LDAH: variants seen among roughly 807,000 people sequenced by gnomAD.
LDAH encodes lipid droplet associated hydrolase.
LDAH carries 26 observed loss-of-function variants against 29.6 expected under a neutral mutation model. That is an observed-to-expected ratio of 0.88 (90% CI 0.64 to 1.22). LDAH has a LOEUF of 1.22. Among genes scored for constraint, LDAH ranks in the 50% most tolerant of loss-of-function variants. The pLI is 0.00. For synonymous variants in LDAH, 117 were observed against 133.0 expected (o/e 0.88, Z 0.83); for missense variants, 344 against 387.3 (o/e 0.89, Z 0.94).
chr2:20,806,606 T>C (rs1007188174), intron 1 of LDAH, among the ~76,000 whole-genome samples: 1 of 151,916 alleles, frequency 6.6e-6, no homozygotes, highest in East Asian at 1.9e-4. Context: ...TTGAGAACAA[T>C]TAGAAAAGCC....
At chr2:20,772,901 T>G (rs1357623258) in intron 4 of LDAH, among the ~76,000 whole-genome samples, 1 of 152,178 alleles carries the variant, frequency 6.6e-6, no homozygotes, top group Non-Finnish European at 1.5e-5. Flanking sequence ...ACTAAAGCCT[T>G]CAGATAAAAC....
intron 5 of LDAH, among the ~76,000 whole-genome samples, chr2:20,739,109 C>G (rs1667003924): frequency 6.6e-6 from 1 of 152,214 alleles, no homozygotes; most frequent in Non-Finnish European, 1.5e-5. Context: ...GTTGCTTCAT[C>G]TAAAATGGGG....
chr2:20,691,710 T>C (rs1663045586), intron 6 of LDAH, among the ~76,000 whole-genome samples: 1 of 152,234 alleles, frequency 6.6e-6, no homozygotes, highest in African/African-American at 2.4e-5. Flanking sequence ...AAGTATACAT[T>C]ATTGAGATAG....
intron 5 of LDAH, among the ~76,000 whole-genome samples, chr2:20,738,003 C>A (rs1666912365): frequency 1.3e-5 from 2 of 151,920 alleles, no homozygotes; most frequent in Admixed American, 6.6e-5. Context: ...CCTGTAATCC[C>A]AGAACTTTGG....
At chr2:20,693,822 G>A (rs903031546) in intron 6 of LDAH, among the ~76,000 whole-genome samples, 4 of 152,244 alleles carry the variant, frequency 2.6e-5, no homozygotes, top group African/African-American at 9.6e-5. Context: ...AAGGCTTTCT[G>A]TTAGCACTTC....
intron 1 of LDAH, among the ~76,000 whole-genome samples, chr2:20,810,654 A>G (rs1356917790): frequency 6.6e-6 from 1 of 152,200 alleles, no homozygotes; most frequent in African/African-American, 2.4e-5. Context: ...GCACACCGAT[A>G]AGAACTGAGA....
chr2:20,758,881 T>C (rs1668496841), intron 4 of LDAH, among the ~76,000 whole-genome samples: 1 of 152,170 alleles, frequency 6.6e-6, no homozygotes, highest in Admixed American at 6.5e-5. Context: ...ACAGCAACTA[T>C]GAACGGAAGG....
At chr2:20,749,474 C>T (rs528572877) in intron 4 of LDAH, among the ~76,000 whole-genome samples, 5 of 152,140 alleles carry the variant, frequency 3.3e-5, no homozygotes, top group Non-Finnish European at 4.4e-5. Flanking sequence ...CAAAGGTATC[C>T]GTGACAGGGT....
At position 20,796,486 on chromosome 2, in the gene LDAH, A is replaced by C. The variant is rs995965994; in HGVS notation, c.154+4824T>G. Among the ~76,000 whole-genome samples the C allele has an allele frequency of 3.3e-5, 5 of 152,144 alleles. 1 individual carries two copies. The highest frequency in any genetic ancestry group is 7.4e-5 in the Non-Finnish European group (5 of 68,016). ...CTTTCTCTGAAAGCCTTGACCCTTA[A>C]ATGACAGTTTCACTTGTCATGTCAT... is the stretch of plus-strand genomic sequence containing the variant. On this transcript the variant is annotated intron_variant, in intron 2 of 6. Transcript: ENST00000237822.
chr2:20,786,351 G>A lies in LDAH; in HGVS notation c.298+3904C>T, dbSNP rs111709729. On this transcript the variant is annotated intron_variant, in intron 3 of 6. Transcript: ENST00000237822. ...AGTACAGGCTTGCACCACCATGCCCGGCTAATTTTTGTATTTTTAGTAGAG... is the reference window on the plus strand; with the variant it reads ...AGTACAGGCTTGCACCACCATGCCCAGCTAATTTTTGTATTTTTAGTAGAG... 5.2e-3 allele frequency among the ~76,000 whole-genome samples: 796 copies of A among 151,990 alleles called. 8 individuals carry two copies. Among genetic ancestry groups the A allele is most frequent in the African/African-American group, 0.018 (741 of 41,458 alleles).
intron 1 of LDAH, among the ~76,000 whole-genome samples, chr2:20,813,174 C>T (rs887584302): frequency 2.0e-5 from 3 of 152,048 alleles, no homozygotes; most frequent in African/African-American, 7.2e-5. Context: ...AATTTTTTAA[C>T]CTTTTGCATC....
At chr2:20,715,580 G>T (rs1665116060) in intron 5 of LDAH, among the ~76,000 whole-genome samples, 1 of 152,156 alleles carries the variant, frequency 6.6e-6, no homozygotes, top group Non-Finnish European at 1.5e-5. Flanking sequence ...AGGAAAAGAG[G>T]AAGTCAAATT....
intron 3 of LDAH, among the ~76,000 whole-genome samples, chr2:20,781,671 T>C (rs1393025696): frequency 6.6e-6 from 1 of 152,222 alleles, no homozygotes; most frequent in African/African-American, 2.4e-5. Flanking sequence ...GCTACTCAGA[T>C]ACAGAAAGTC....
chr2:20,697,899 A>G (rs1225503063), intron 6 of LDAH, among the ~76,000 whole-genome samples: 1 of 152,216 alleles, frequency 6.6e-6, no homozygotes, highest in Non-Finnish European at 1.5e-5. Context: ...TATAAAAATG[A>G]TAAGTATTTT....
intron 1 of LDAH, among the ~76,000 whole-genome samples, chr2:20,817,620 T>C (rs1226268051): frequency 6.6e-6 from 1 of 152,146 alleles, no homozygotes; most frequent in Non-Finnish European, 1.5e-5. Context: ...ATTAATTCAC[T>C]AAACATACAC....
At chr2:20,750,812 G>A (rs1230635632) in intron 4 of LDAH, among the ~76,000 whole-genome samples, 1 of 152,174 alleles carries the variant, frequency 6.6e-6, no homozygotes, top group Non-Finnish European at 1.5e-5. Flanking sequence ...ATACTCCATG[G>A]ACTACTATGC....
rs572901407 is a variant in LDAH at position 20,684,558 on chromosome 2, T to C, written c.*2345A>G. The C allele has an allele frequency of 2.8e-5, 6 of 210,780 alleles. No individual in the cohort carries two copies. In the South Asian group the frequency reaches 4.6e-4, roughly 16 times the overall value. The allele number at this position is 210,780 out of a possible 1,614,324, so 13.1% of individuals were successfully genotyped here. On this transcript the variant is annotated 3_prime_UTR_variant, in exon 7 of 7. Coordinates refer to ENST00000237822, the MANE Select transcript of LDAH (RefSeq NM_021925.4). ...CCCAGCCTGTTTGTTTTGAATATAA[T>C]GTAGGATGAAGAAAAATCAAGCCTT...
rs571320569 is a variant in LDAH at position 20,789,864 on chromosome 2, G to A, written c.298+391C>T. The stretch of plus-strand genomic sequence containing the variant: ...ATCTGAGGTGGAACAGTTTCATCCC[G>A]AAACCATCCACCCCTCCCCAGTCTG... On this transcript the variant is annotated intron_variant, in intron 3 of 6. Transcript: ENST00000237822. 1.2e-4 allele frequency among the ~76,000 whole-genome samples: 19 copies of A among 152,224 alleles called. No homozygotes were observed. The East Asian group carries it at 1.7e-3, about 14-fold the overall frequency.
intron 5 of LDAH, among the ~76,000 whole-genome samples, chr2:20,731,839 T>C (rs1419157431): frequency 1.3e-5 from 2 of 151,642 alleles, no homozygotes; most frequent in Middle Eastern, 3.4e-3. Context: ...CTTGGGATTG[T>C]CATTTTTTTC....
Sources: gnomAD v4.1 joint callset for allele counts (sites outside exome capture counted in the v4.1 genomes callset) on GRCh38, gnomAD v4.1.1 for gene constraint, MANE v1.5 for transcripts, NCBI Gene and HGNC (gene_info 2026-07-23, HGNC 2026-07-21) for gene names.